Variants in IRAG2 observed in about 807,000 individuals in gnomAD.
The protein encoded by IRAG2 is inositol 1,4,5-triphosphate receptor associated 2, also known as lymphoid restricted membrane protein.
IRAG2 carries 45 observed loss-of-function variants against 69.9 expected under a neutral mutation model. That is an observed-to-expected ratio of 0.64 (90% CI 0.51 to 0.83). The LOEUF (loss-of-function observed/expected upper bound fraction) is 0.83. IRAG2 is among the 40% of genes least tolerant of loss of function. IRAG2 has a pLI of 0.00. For synonymous variants in IRAG2, 193 were observed against 202.4 expected, an observed-to-expected ratio of 0.95 and a Z score of 0.40; for missense variants, 520 against 587.0, an observed-to-expected ratio of 0.89 and a Z score of 1.18.
In IRAG2 at chr12:25,062,478, C is replaced by A. The variant is rs116082611; in HGVS notation, c.-384-342C>A. ...TGTGAATCTACCTCTTGGATTAAGG[C>A]AATAATTTTATAGCTATCAAATTTT... On this transcript the variant is annotated intron_variant, in intron 2 of 21. Coordinates refer to ENST00000556887, the MANE Select transcript of IRAG2 (RefSeq NM_001366544.2). 3.8e-3 allele frequency among the ~76,000 whole-genome samples: 580 copies of A among 152,272 alleles called. 5 individuals are homozygous for A. The highest frequency in any genetic ancestry group is 0.014 in the African/African-American group (565 of 41,560).
At position 25,077,297 on chromosome 12, in the gene IRAG2, GAA is replaced by G. The variant is rs1480376145; in HGVS notation, c.25-1945_25-1944del. Reference sequence around the variant, plus strand: ...TATGAAATATATATGATATATATATGAAATATATATGATATATATGATATATA... The same window carrying G: ...TATGAAATATATATGATATATATATGATATATATGATATATATGATATATA... On this transcript the variant is annotated intron_variant, in intron 6 of 21. Transcript: ENST00000556887. Among the ~76,000 whole-genome samples the G allele has an allele frequency of 1.3e-4, 9 of 70,662 alleles. 2 individuals are homozygous for G. The highest frequency in any genetic ancestry group is 4.1e-4 in the African/African-American group (8 of 19,570). The allele number at this position is 70,662 out of a possible 152,430, so 46.4% of individuals were successfully genotyped here. A position where few individuals can be genotyped will look rare whatever the true frequency, so the allele number is the denominator to read the frequency against.
chr12:25,006,070 A>G (rs1401555061), intron 2 of IRAG2, among the ~76,000 whole-genome samples: 2 of 152,074 alleles, frequency 1.3e-5, no homozygotes, highest in Non-Finnish European at 2.9e-5. Context: ...GGCAAAGGAC[A>G]TGAACAGACA....
chr12:25,100,000 G>GAAACAAAAAAAAAAAAA (rs1948656001), intron 15 of IRAG2, among the ~76,000 whole-genome samples: 1 of 25,680 alleles, frequency 3.9e-5, no homozygotes, highest in East Asian at 1.8e-3. Context: ...GACTCCATCT[G>GAAACAAAAAAAAAAAAA]AAAAAAAAAA....
chr12:25,101,287 T>G lies in IRAG2; in HGVS notation c.851T>G (p.Leu284Arg), dbSNP rs1454617184. ...TTAGAAGAACTGAAACAGGTTCTTC[T>G]GCAGAATGAAAGGTCTTTCAATCCT... The part of the protein sequence containing the change: ...AELEELKQVL[L>R]QNERSFNPLE... Residue 284 changes from leucine to arginine, a missense_variant, in exon 16 of 22, where the codon CTG becomes CGG. Transcript: ENST00000556887. 2 of 1,610,364 alleles carry G rather than the reference T, an allele frequency of 1.2e-6. No individual in the cohort carries two copies. The highest frequency in any genetic ancestry group is 1.7e-6 in the Non-Finnish European group (2 of 1,177,970).
chr12:25,058,769 T>G (rs1945427891), intron 1 of IRAG2, among the ~76,000 whole-genome samples: 1 of 152,216 alleles, frequency 6.6e-6, no homozygotes, highest in Admixed American at 6.5e-5. Context: ...CCTGGTCCCA[T>G]CCTACATGGC....
upstream of IRAG2, among the ~76,000 whole-genome samples, chr12:25,000,708 A>G (rs1317089492): frequency 1.3e-5 from 2 of 152,236 alleles, no homozygotes; most frequent in South Asian, 2.1e-4. Context: ...AGTTCTTGCC[A>G]TTGGGTTATC....
rs74070699 is a variant in IRAG2, at chr12:25,073,126, A to G, written c.24+3695A>G. ...TTCAGGCCTGTTTCCTCATTTCTCA[A>G]TGATCCAACTCAGAAAAAAACTAAG... is the stretch of plus-strand genomic sequence containing the variant. On this transcript the variant is annotated intron_variant, in intron 6 of 21. Coordinates refer to ENST00000556887, the MANE Select transcript of IRAG2 (RefSeq NM_001366544.2). 3.6e-3 allele frequency among the ~76,000 whole-genome samples: 543 copies of G among 152,220 alleles called. 2 individuals are homozygous for G. Among genetic ancestry groups the G allele is most frequent in the African/African-American group, 0.013 (526 of 41,528 alleles).
chr12:25,052,095 A>T, upstream of IRAG2: 1 of 390,802 alleles, frequency 2.6e-6, no homozygotes, highest in Non-Finnish European at 4.5e-6. Context: ...ATATGTAAAT[A>T]CTTTCACTTT....
At position 25,107,065 on chromosome 12, in the gene IRAG2, T is replaced by A; in HGVS notation, c.1256+15T>A. On this transcript the variant is annotated intron_variant, in intron 21 of 21. Coordinates refer to ENST00000556887, the MANE Select transcript of IRAG2 (RefSeq NM_001366544.2). ...GTCTCTTCAGTGTAAGTTATCTACT[T>A]GATAAATTCTACCATTTTAGTGGAA... is the stretch of plus-strand genomic sequence containing the variant. 7.1e-7 allele frequency: 1 copy of A among 1,405,046 alleles called. No individual in the cohort carries two copies. Among genetic ancestry groups the A allele is most frequent in the Non-Finnish European group, 1.0e-6 (1 of 999,764 alleles). The allele number at this position is 1,405,046 out of a possible 1,614,324, so 87.0% of individuals were successfully genotyped here.
rs540515893 is a variant in IRAG2, at chr12:25,047,201, A to T, written c.2145-5034A>T. Among the ~76,000 whole-genome samples the T allele has an allele frequency of 3.0e-4, 46 of 152,368 alleles. 2 individuals are homozygous for T. Among genetic ancestry groups the T allele is most frequent in the African/African-American group, 9.9e-4 (41 of 41,580 alleles). On this transcript the variant is annotated intron_variant, in intron 16 of 38. Coordinates refer to the IRAG2 transcript ENST00000636465. Reference sequence around the variant, plus strand: ...AATGGATTAAAGATGTAAATTTAAGACCTAAAACTGAAAACACCTAGAAGA... The same window carrying T: ...AATGGATTAAAGATGTAAATTTAAGTCCTAAAACTGAAAACACCTAGAAGA...
chr12:25,101,842 G>A, intron 16 of IRAG2: 1 of 484,342 alleles, frequency 2.1e-6, no homozygotes, highest in Non-Finnish European at 4.0e-6. Context: ...GAACTTTTCT[G>A]AGCAGAATTC....
At chr12:25,036,939 A>G (rs1384207700) in intron 15 of IRAG2, among the ~76,000 whole-genome samples, 1 of 151,756 alleles carries the variant, frequency 6.6e-6, no homozygotes, top group African/African-American at 2.4e-5. Flanking sequence ...AATGAAAAAA[A>G]TGCATTTATC....
intron 3 of IRAG2, among the ~76,000 whole-genome samples, chr12:25,012,315 C>T (rs871856): frequency 0.45 from 67,960 of 151,072 alleles, 15,862 homozygotes; most frequent in Admixed American, 0.55. Flanking sequence ...CCACCATGCC[C>T]GGCTAATGCT....
At chr12:25,097,177 A>ACG in intron 15 of IRAG2, 133 bp downstream of exon 15, 7 of 740,736 alleles carry the variant, frequency 9.5e-6, no homozygotes, top group African/African-American at 1.8e-5. Flanking sequence ...TGCGTTTAAT[A>ACG]CATATGTGTT....
chr12:25,089,945 T>C (rs1162789380), intron 13 of IRAG2, 112 bp from the exon 14 acceptor site: 1 of 1,323,652 alleles, frequency 7.6e-7, no homozygotes, highest in Admixed American at 1.8e-5. Context: ...GTCAGCATTA[T>C]GTTGCTGGGG....
chr12:25,051,979 C>T (rs886110942), upstream of IRAG2, among the ~76,000 whole-genome samples: 1 of 152,196 alleles, frequency 6.6e-6, no homozygotes, highest in Non-Finnish European at 1.5e-5. Context: ...GGGAACTGAA[C>T]ACACCAGTGT....
At position 25,052,909 on chromosome 12, in the gene IRAG2, T is replaced by C. The variant is rs1944932582; in HGVS notation, c.-494T>C. ...AACCTTCAAACTATAAATACTGAATTATCGAACACTTGCCAGGCACTTCAG... is the reference window on the plus strand; with the variant it reads ...AACCTTCAAACTATAAATACTGAATCATCGAACACTTGCCAGGCACTTCAG... On this transcript the variant is annotated 5_prime_UTR_variant, in exon 1 of 22. Transcript: ENST00000556887. The C allele has an allele frequency of 2.5e-6, 1 of 398,442 alleles. No individual in the cohort carries two copies. Among genetic ancestry groups the C allele is most frequent in the Non-Finnish European group, 4.4e-6 (1 of 226,056 alleles). 24.7% of individuals were successfully genotyped at this position (398,442 alleles called of 1,614,324 possible). A position where few individuals can be genotyped will look rare whatever the true frequency, so the allele number is the denominator to read the frequency against.
chr12:25,004,645 C>T, exon 1 of IRAG2: 2 of 1,232,140 alleles, frequency 1.6e-6, no homozygotes, highest in Non-Finnish European at 2.0e-6. Flanking sequence ...CACCTCTCAC[C>T]TCAGCTCCCC....
At chr12:25,024,938 T>A (rs936445704) in intron 8 of IRAG2, among the ~76,000 whole-genome samples, 7 of 152,194 alleles carry the variant, frequency 4.6e-5, no homozygotes, top group African/African-American at 1.4e-4. Context: ...GCATTGCAAT[T>A]ATTGACTTAC....
Sources: allele counts gnomAD v4.1 joint callset (sites outside exome capture counted in the v4.1 genomes callset), GRCh38; gene constraint gnomAD v4.1.1; transcripts MANE v1.5; gene names NCBI Gene and HGNC (gene_info 2026-07-23, HGNC 2026-07-21).